NRXN1: variants seen among roughly 807,000 people sequenced by gnomAD.
The protein encoded by NRXN1 is neurexin-1.
In NRXN1, 39 loss-of-function variants were observed where a neutral mutation model predicts 150.9. The ratio of observed to expected loss-of-function variants is 0.26; its 90% CI spans 0.20 to 0.34. The LOEUF (loss-of-function observed/expected upper bound fraction) is 0.34, where lower values mean the gene tolerates loss of function less well. NRXN1 is among the 10% of genes least tolerant of loss of function. NRXN1 has a pLI of 1.00. For synonymous variants in NRXN1, 924 were observed against 757.0 expected (o/e 1.22, Z -3.62); for missense variants, 1,815 against 1,949.9 (o/e 0.93, Z 1.30).
At chr2:51,001,436 A>T (rs1700065573) in intron 2 of NRXN1, among the ~76,000 whole-genome samples, 1 of 151,906 alleles carries the variant, frequency 6.6e-6, no homozygotes, top group African/African-American at 2.4e-5. Context: ...AGTTAATTTC[A>T]TTATTGCACT....
chr2:50,509,151 C>A (rs2092357190), intron 12 of NRXN1, among the ~76,000 whole-genome samples: 1 of 152,162 alleles, frequency 6.6e-6, no homozygotes, highest in African/African-American at 2.4e-5. Context: ...AGTGGTAGAA[C>A]CAAGTTTCAT....
rs1410091237 is a variant in NRXN1 at position 49,943,811 on chromosome 2, A to C, written c.4129-20T>G. ...TGTGGTCTGCAAAAGAATCACATTC[A>C]GTAGATTAATTTAAAGGGTCCTAAC... On this transcript the variant is annotated intron_variant, in intron 21 of 22. Transcript: ENST00000401669. 6.4e-7 allele frequency: 1 copy of C among 1,564,358 alleles called. No homozygotes were observed. Among genetic ancestry groups the C allele is most frequent in the Admixed American group, 1.7e-5 (1 of 59,028 alleles).
intron 17 of NRXN1, among the ~76,000 whole-genome samples, chr2:50,283,841 T>G (rs1169158837): frequency 6.6e-6 from 1 of 152,170 alleles, no homozygotes; most frequent in African/African-American, 2.4e-5. Context: ...ATATCCATTC[T>G]TCTCAGAAAC....
intron 17 of NRXN1, among the ~76,000 whole-genome samples, chr2:50,421,148 T>C (rs191256045): frequency 1.7e-3 from 262 of 152,216 alleles, no homozygotes; most frequent in Non-Finnish European, 2.9e-3. Flanking sequence ...GTATTTTTCA[T>C]GTCAAAGGAC....
chr2:50,138,865 T>G (rs1706816271), intron 18 of NRXN1, among the ~76,000 whole-genome samples: 1 of 152,238 alleles, frequency 6.6e-6, no homozygotes, highest in South Asian at 2.1e-4. Flanking sequence ...GTGATACATG[T>G]GTTTAATAAC....
chr2:50,767,669 A>T (rs1702525683), intron 5 of NRXN1, among the ~76,000 whole-genome samples: 1 of 152,116 alleles, frequency 6.6e-6, no homozygotes, highest in Non-Finnish European at 1.5e-5. Context: ...ACATTTGCTA[A>T]ACAATAGTTC....
intron 17 of NRXN1, among the ~76,000 whole-genome samples, chr2:50,278,242 A>ATATAGATGTATTATATATAT: frequency 8.5e-6 from 1 of 118,286 alleles, no homozygotes; most frequent in East Asian, 2.2e-4. Flanking sequence ...TATATATATA[A>ATATAGATGTATTATATATAT]TATATATATA....
chr2:50,651,334 T>G (rs1685578928), intron 5 of NRXN1, among the ~76,000 whole-genome samples: 1 of 151,918 alleles, frequency 6.6e-6, no homozygotes, highest in Non-Finnish European at 1.5e-5. Context: ...AATGTTAGAC[T>G]GGGCATGGTG....
In NRXN1 at chr2:50,776,177, A is replaced by G. The variant is rs1338205103; in HGVS notation, c.832+145692T>C. 3.3e-5 allele frequency among the ~76,000 whole-genome samples: 5 copies of G among 152,292 alleles called. No individual in the cohort carries two copies. The East Asian group carries it at 9.6e-4, about 29-fold the overall frequency. ...TTGAACAATTCCAGGGAAAACTTAC[A>G]AACACATTTTGAAATAAAATTTGGA... On this transcript the variant is annotated intron_variant, in intron 5 of 22. Transcript: ENST00000401669.
At chr2:50,923,743 A>C (rs1310321560) in intron 3 of NRXN1, among the ~76,000 whole-genome samples, 1 of 151,846 alleles carries the variant, frequency 6.6e-6, no homozygotes, top group East Asian at 1.9e-4. Flanking sequence ...TTCAATTTCC[A>C]GTGCTATTTC....
intron 5 of NRXN1, among the ~76,000 whole-genome samples, chr2:50,880,122 A>G (rs13409460): frequency 0.53 from 79,708 of 151,758 alleles, 23,012 homozygotes; most frequent in Non-Finnish European, 0.67. Flanking sequence ...ATTTGCTTTG[A>G]AGATACATAA....
chr2:50,451,610 AC>A (rs1248381979), intron 17 of NRXN1, among the ~76,000 whole-genome samples: 4 of 152,142 alleles, frequency 2.6e-5, no homozygotes, highest in African/African-American at 9.7e-5. Context: ...ATATTAATCT[AC>A]CTTGTATACA....
intron 2 of NRXN1, among the ~76,000 whole-genome samples, chr2:50,954,974 A>T (rs1196968512): frequency 6.6e-6 from 1 of 152,158 alleles, no homozygotes; most frequent in African/African-American, 2.4e-5. Flanking sequence ...CTCAACTGGC[A>T]CTTACACATG....
rs941189219 is a variant in NRXN1 at position 50,239,092 on chromosome 2, G to A, written c.3365-2122C>T. On this transcript the variant is annotated intron_variant, in intron 17 of 22. Transcript: ENST00000401669. ...CCACTTATGTTCTACATCCTCAGAA[G>A]CTTGTTCATCATAATCTTTATAGGC... Among the ~76,000 whole-genome samples the A allele has an allele frequency of 2.6e-5, 4 of 151,832 alleles. 1 individual carries two copies. Among genetic ancestry groups the A allele is most frequent in the Non-Finnish European group, 5.9e-5 (4 of 67,904 alleles).
At chr2:50,232,635 T>C (rs2065054799) in intron 18 of NRXN1, among the ~76,000 whole-genome samples, 1 of 152,142 alleles carries the variant, frequency 6.6e-6, no homozygotes, top group African/African-American at 2.4e-5. Context: ...TCTGCCAGCC[T>C]TGGCCTCCCA....
chr2:50,337,767 A>G (rs1453162964), intron 17 of NRXN1, among the ~76,000 whole-genome samples: 1 of 152,210 alleles, frequency 6.6e-6, no homozygotes, highest in Non-Finnish European at 1.5e-5. Context: ...GAATTAATTC[A>G]TTTTGTAAAA....
chr2:50,759,864 G>A (rs1032825313), intron 5 of NRXN1, among the ~76,000 whole-genome samples: 1 of 134,670 alleles, frequency 7.4e-6, no homozygotes, highest in Non-Finnish European at 1.6e-5. Flanking sequence ...GTGTGTGTGT[G>A]TGTGTGACTT....
chr2:50,986,640 G>C (rs952589691), intron 2 of NRXN1, among the ~76,000 whole-genome samples: 5 of 151,228 alleles, frequency 3.3e-5, no homozygotes, highest in African/African-American at 1.2e-4. Context: ...TATCGATTTT[G>C]CCCTTATGCA....
intron 8 of NRXN1, among the ~76,000 whole-genome samples, chr2:50,579,589 T>C (rs1212695778): frequency 1.3e-5 from 2 of 152,144 alleles, no homozygotes; most frequent in Admixed American, 6.6e-5. Flanking sequence ...ATTGAGGCTA[T>C]AGTGAGCCAA....
Sources: gnomAD v4.1 joint callset for allele counts (sites outside exome capture counted in the v4.1 genomes callset) on GRCh38, gnomAD v4.1.1 for gene constraint, MANE v1.5 for transcripts, NCBI Gene and HGNC (gene_info 2026-07-23, HGNC 2026-07-21) for gene names.